The following P4HA1 variants were observed in gnomAD, a reference collection of about 807,000 sequenced individuals.
P4HA1 encodes the protein prolyl 4-hydroxylase subunit alpha 1.
A neutral mutation model predicts 72.8 loss-of-function variants in P4HA1; 24 were observed. The ratio of observed to expected loss-of-function variants is 0.33; its 90% CI spans 0.24 to 0.46. The LOEUF (loss-of-function observed/expected upper bound fraction) is 0.46, where lower values mean the gene tolerates loss of function less well. P4HA1 is among the 20% of genes least tolerant of loss of function. The pLI, the probability that P4HA1 is intolerant of heterozygous loss-of-function variation, is 1.00. For synonymous variants in P4HA1, 201 were observed against 218.8 expected (o/e 0.92, Z 0.72); for missense variants, 446 against 640.6 (o/e 0.70, Z 3.28).
In P4HA1 at chr10:73,028,307, A is replaced by AACACACACACACAC. The variant is rs10561551; in HGVS notation, c.1248+1950_1248+1963dup. On this transcript the variant is annotated intron_variant, in intron 10 of 14. Coordinates refer to ENST00000394890, the MANE Select transcript of P4HA1 (RefSeq NM_001017962.3). Reference sequence around the variant, plus strand: ...ATGGCATCAAACCGTGTCACTGTAAAACACACACACACACACACACACACA... The same window carrying AACACACACACACAC: ...ATGGCATCAAACCGTGTCACTGTAAAACACACACACACACACACACACACACACACACACACACA... 9.3e-4 allele frequency among the ~76,000 whole-genome samples: 134 copies of AACACACACACACAC among 143,760 alleles called. 1 individual carries two copies. Among genetic ancestry groups the AACACACACACACAC allele is most frequent in the African/African-American group, 3.0e-3 (118 of 39,208 alleles). 94.3% of individuals were successfully genotyped at this position (143,760 alleles called of 152,430 possible). A position where few individuals can be genotyped will look rare whatever the true frequency, so the allele number is the denominator to read the frequency against.
intron 1 of P4HA1, among the ~76,000 whole-genome samples, chr10:73,095,283 G>A (rs1025999835): frequency 7.1e-6 from 1 of 140,652 alleles, no homozygotes; most frequent in African/African-American, 2.6e-5. Flanking sequence ...CATTTCACAT[G>A]AAGACAAAAT....
chr10:73,047,018 C>T lies in P4HA1; in HGVS notation c.984G>A (p.Gln328=). Residue 328 remains glutamine, a synonymous_variant, in exon 8 of 15, where the codon CAG becomes CAA. Coordinates refer to ENST00000394890, the MANE Select transcript of P4HA1 (RefSeq NM_001017962.3). ...NPKFILAPAK[Q]EDEWDKPRII... is the part of the protein sequence containing the mutation. Reference sequence around the variant, plus strand: ...TACGAGGCTTGTCCCATTCATCCTCCTGTTTAGCTGGAGCCAGAATAAATT... The same window carrying T: ...TACGAGGCTTGTCCCATTCATCCTCTTGTTTAGCTGGAGCCAGAATAAATT... The T allele has an allele frequency of 6.2e-7, 1 of 1,612,998 alleles. No homozygotes were observed. Among genetic ancestry groups the T allele is most frequent in the Non-Finnish European group, 8.5e-7 (1 of 1,179,040 alleles).
rs1564624912 is a variant in P4HA1, at chr10:73,037,556, TA to T, written c.1149-7187del. Among the ~76,000 whole-genome samples, 97 of 35,398 alleles carry T rather than the reference TA, an allele frequency of 2.7e-3. 2 individuals are homozygous for T. The highest frequency in any genetic ancestry group is 5.8e-3 in the African/African-American group (49 of 8,490). The allele number at this position is 35,398 out of a possible 152,430, so 23.2% of individuals were successfully genotyped here. The stretch of plus-strand genomic sequence containing the variant: ...ATATATATATATATATATATATATA[TA>T]TATATATATATATATTTTTTTTTTT... On this transcript the variant is annotated intron_variant, in intron 9 of 14. Coordinates refer to ENST00000394890, the MANE Select transcript of P4HA1 (RefSeq NM_001017962.3).
intron 1 of P4HA1, among the ~76,000 whole-genome samples, chr10:73,081,252 GAAGA>G (rs1176600135): frequency 1.3e-5 from 2 of 151,826 alleles, no homozygotes; most frequent in African/African-American, 4.8e-5. Context: ...GGAATAGGAG[GAAGA>G]AAGAAAAGAA....
At chr10:73,093,907 TACACAC>T (rs376131663) in intron 1 of P4HA1, among the ~76,000 whole-genome samples, 76 of 55,578 alleles carry the variant, frequency 1.4e-3, no homozygotes, top group East Asian at 2.2e-3. Context: ...TATATATATA[TACACAC>T]ACACACACAC....
chr10:73,088,622 G>C (rs1841968795), intron 1 of P4HA1, among the ~76,000 whole-genome samples: 1 of 152,206 alleles, frequency 6.6e-6, no homozygotes, highest in South Asian at 2.1e-4. Flanking sequence ...CATATCCACT[G>C]GTGGATTCAT....
At chr10:73,016,180 ATCT>A (rs1426338815) in intron 11 of P4HA1, among the ~76,000 whole-genome samples, 5 of 152,228 alleles carry the variant, frequency 3.3e-5, no homozygotes, top group African/African-American at 9.6e-5. Context: ...TGGGTTCTTC[ATCT>A]TCCACTATCC....
intron 8 of P4HA1, among the ~76,000 whole-genome samples, chr10:73,045,757 G>A (rs1840841263): frequency 6.6e-6 from 1 of 151,196 alleles, no homozygotes; most frequent in African/African-American, 2.4e-5. Context: ...CCAAATTGAG[G>A]AATCTCCAGA....
At chr10:73,030,400 G>T in intron 9 of P4HA1, 30 bp from the exon 10 acceptor site, 1 of 1,214,212 alleles carries the variant, frequency 8.2e-7, no homozygotes, top group Non-Finnish European at 1.2e-6. Flanking sequence ...TAGTTTTATT[G>T]ATAATGTTTC....
chr10:73,089,777 C>A (rs1398674280), intron 1 of P4HA1, among the ~76,000 whole-genome samples: 1 of 148,152 alleles, frequency 6.7e-6, no homozygotes, highest in Non-Finnish European at 1.5e-5. Context: ...AAAAACTAAT[C>A]TTAAGCAACA....
intron 14 of P4HA1, among the ~76,000 whole-genome samples, chr10:73,009,439 A>G (rs1046525050): frequency 6.6e-6 from 1 of 152,176 alleles, no homozygotes; most frequent in Non-Finnish European, 1.5e-5. Context: ...AAAAGCTTTG[A>G]AGAAGACTCC....
At chr10:73,045,887 A>G (rs559318697) in intron 8 of P4HA1, among the ~76,000 whole-genome samples, 2 of 151,320 alleles carry the variant, frequency 1.3e-5, no homozygotes, top group Non-Finnish European at 2.9e-5. Context: ...AAAAAAAAAA[A>G]CCACCAATTT....
intron 9 of P4HA1, among the ~76,000 whole-genome samples, chr10:73,044,583 C>A (rs1051684611): frequency 3.9e-5 from 6 of 152,060 alleles, no homozygotes; most frequent in African/African-American, 1.4e-4. Context: ...TATGAATCAC[C>A]GCAGCATTTA....
At chr10:73,036,216 G>T (rs1459474536) in intron 9 of P4HA1, among the ~76,000 whole-genome samples, 2 of 151,460 alleles carry the variant, frequency 1.3e-5, no homozygotes, top group Admixed American at 1.3e-4. Flanking sequence ...CTTGATGAAG[G>T]GTTTGAGGCT....
intron 4 of P4HA1, among the ~76,000 whole-genome samples, chr10:73,070,577 A>G (rs80084579): frequency 0.16 from 24,032 of 152,036 alleles, 3,126 homozygotes; most frequent in African/African-American, 0.34. Flanking sequence ...GCTTTTTACC[A>G]GTATAATTCC....
chr10:73,080,112 G>C (rs1171758897), intron 1 of P4HA1, among the ~76,000 whole-genome samples: 2 of 152,180 alleles, frequency 1.3e-5, no homozygotes, highest in Non-Finnish European at 2.9e-5. Context: ...CTATTGCTTT[G>C]AATCTGTAAG....
At chr10:73,068,441 A>G (rs1458085011) in intron 5 of P4HA1, among the ~76,000 whole-genome samples, 1 of 152,220 alleles carries the variant, frequency 6.6e-6, no homozygotes, top group Non-Finnish European at 1.5e-5. Flanking sequence ...CACTTTAAAC[A>G]TATGTGGATA....
At chr10:73,055,110 G>C (rs1417202786) in intron 5 of P4HA1, among the ~76,000 whole-genome samples, 5 of 152,134 alleles carry the variant, frequency 3.3e-5, no homozygotes, top group Non-Finnish European at 5.9e-5. Flanking sequence ...GTGCATACCT[G>C]TAGTCCTGGC....
chr10:73,011,686 G>T (rs1465711406), intron 12 of P4HA1, among the ~76,000 whole-genome samples: 1 of 152,068 alleles, frequency 6.6e-6, no homozygotes, highest in Non-Finnish European at 1.5e-5. Context: ...GGATCATAAA[G>T]ATTTTTTTAA....
Sources: gnomAD v4.1 joint callset for allele counts (sites outside exome capture counted in the v4.1 genomes callset) on GRCh38, gnomAD v4.1.1 for gene constraint, MANE v1.5 for transcripts, NCBI Gene and HGNC (gene_info 2026-07-23, HGNC 2026-07-21) for gene names.